The following PCDHGA4 variants were observed in gnomAD, a reference collection of about 807,000 sequenced individuals.
PCDHGA4 encodes the protein protocadherin gamma-A4.
In PCDHGA4, 38 loss-of-function variants were observed where a neutral mutation model predicts 54.6. The ratio of observed to expected loss-of-function variants is 0.70; its 90% CI spans 0.54 to 0.91. The LOEUF (loss-of-function observed/expected upper bound fraction) is 0.91, where lower values mean the gene tolerates loss of function less well. Among genes scored for constraint, PCDHGA4 ranks in the 40% least tolerant of loss-of-function variants. PCDHGA4 has a pLI of 0.00. For missense variants in PCDHGA4, 1,298 were observed against 1,220.9 expected, an observed-to-expected ratio of 1.06 and a Z score of -0.94; for synonymous variants, 511 against 512.9, an observed-to-expected ratio of 1.00 and a Z score of 0.05.
intron 1 of PCDHGA4, among the ~76,000 whole-genome samples, chr5:141,363,455 C>A (rs1762933034): frequency 6.6e-6 from 1 of 152,226 alleles, no homozygotes; most frequent in Admixed American, 6.5e-5. Flanking sequence ...TACTTCTCGA[C>A]AAGTATCTGC....
At chr5:141,448,200 T>C (rs2098574351) in intron 1 of PCDHGA4, among the ~76,000 whole-genome samples, 1 of 152,156 alleles carries the variant, frequency 6.6e-6, no homozygotes, top group Non-Finnish European at 1.5e-5. Context: ...CTTACAAACA[T>C]TTTCTGTGTG....
chr5:141,373,678 A>G (rs4151698), intron 1 of PCDHGA4, among the ~76,000 whole-genome samples: 17,665 of 152,222 alleles, frequency 0.12, 1,184 homozygotes, highest in African/African-American at 0.18. Flanking sequence ...TGAATGGTAA[A>G]CTTCAGAGAA....
intron 1 of PCDHGA4, chr5:141,366,380 C>T: frequency 6.2e-7 from 1 of 1,614,106 alleles, no homozygotes; most frequent in Non-Finnish European, 8.5e-7. Flanking sequence ...CCCCATTGAC[C>T]CTGAGGATCT....
chr5:141,362,693 A>C, intron 1 of PCDHGA4: 1 of 1,100,328 alleles, frequency 9.1e-7, no homozygotes, highest in South Asian at 1.7e-5. Flanking sequence ...ATCTTATCTA[A>C]CTGAATTTTA....
chr5:141,398,707 C>T, intron 1 of PCDHGA4: 1 of 1,613,860 alleles, frequency 6.2e-7, no homozygotes, highest in Non-Finnish European at 8.5e-7. Flanking sequence ...ATACCCGGAA[C>T]TGGCACTGGA....
chr5:141,397,200 G>A (rs2093487150), intron 1 of PCDHGA4, among the ~76,000 whole-genome samples: 1 of 152,154 alleles, frequency 6.6e-6, no homozygotes, highest in Non-Finnish European at 1.5e-5. Context: ...TAAAAGATAT[G>A]ACATAAGAGA....
At chr5:141,394,158 C>T in intron 1 of PCDHGA4, 1 of 1,613,844 alleles carries the variant, frequency 6.2e-7, no homozygotes, top group East Asian at 2.2e-5. Flanking sequence ...TAACGACAAC[C>T]CTCCTACTTT....
chr5:141,438,583 CATACATACATATATAT>C (rs1183800202), intron 1 of PCDHGA4, among the ~76,000 whole-genome samples: 1 of 57,610 alleles, frequency 1.7e-5, no homozygotes, highest in African/African-American at 9.0e-5. Context: ...TACATACATA[CATACATACATATATAT>C]ATATATATAT....
At chr5:141,389,118 C>T in intron 1 of PCDHGA4, 1 of 1,614,006 alleles carries the variant, frequency 6.2e-7, no homozygotes, top group Non-Finnish European at 8.5e-7. Context: ...AGACCGCGAG[C>T]AGAATCCAGA....
In PCDHGA4 at chr5:141,505,598, C is replaced by T. The variant is rs532473064; in HGVS notation, c.2662+117C>T. The T allele has an allele frequency of 1.4e-3, 2,157 of 1,556,732 alleles. 3 individuals are homozygous for T. Among genetic ancestry groups the T allele is most frequent in the Non-Finnish European group, 1.8e-3 (2,025 of 1,148,246 alleles). ...ACCTGTGTAGTTTCTCCAGATCTTT[C>T]GGCAGGTCTGAAAGGACCCACAATT... On this transcript the variant is annotated intron_variant, in intron 3 of 3. Coordinates refer to ENST00000571252, the MANE Select transcript of PCDHGA4 (RefSeq NM_018917.4).
intron 1 of PCDHGA4, chr5:141,372,888 T>C: frequency 8.5e-7 from 1 of 1,177,756 alleles, no homozygotes; most frequent in South Asian, 1.6e-5. Context: ...AGAATACAGA[T>C]TAAATATTCC....
intron 1 of PCDHGA4, chr5:141,398,010 G>T (rs10045443): frequency 0.24 from 331,899 of 1,407,782 alleles, 42,930 homozygotes; most frequent in African/African-American, 0.51. Flanking sequence ...AAAAAGAATC[G>T]TTTCCTAAAC....
chr5:141,397,004 T>A (rs2150690904), intron 1 of PCDHGA4, among the ~76,000 whole-genome samples: 2 of 152,342 alleles, frequency 1.3e-5, no homozygotes, highest in African/African-American at 4.8e-5. Context: ...ATCTGACAAA[T>A]GGACTAAAGA....
chr5:141,490,098 T>C lies in PCDHGA4; in HGVS notation c.2515-4709T>C, dbSNP rs774132407. On this transcript the variant is annotated intron_variant, in intron 1 of 3. Transcript: ENST00000571252. The surrounding 1 kb of genome is among the most constrained non-coding windows in gnomAD (Gnocchi z 5.4). ...ACTATTCTTTTGGAGACCACACATCTGAGGCAGTGCGGAACCTCTTTGGCC... is the reference window on the plus strand; with the variant it reads ...ACTATTCTTTTGGAGACCACACATCCGAGGCAGTGCGGAACCTCTTTGGCC... The C allele has an allele frequency of 6.2e-7, 1 of 1,614,260 alleles. No homozygotes were observed. The highest frequency in any genetic ancestry group is 8.5e-7 in the Non-Finnish European group (1 of 1,180,038).
chr5:141,413,372 G>T lies in PCDHGA4; in HGVS notation c.2514+55751G>T, dbSNP rs760934804. ...CTGGCGCCCCGGGAGCTGGCGGAGCGCGGAGTCCGCATAGTCTCCAGAGGT... is the reference window on the plus strand; with the variant it reads ...CTGGCGCCCCGGGAGCTGGCGGAGCTCGGAGTCCGCATAGTCTCCAGAGGT... On this transcript the variant is annotated intron_variant, in intron 1 of 3. Transcript: ENST00000571252. The T allele has an allele frequency of 1.9e-6, 3 of 1,613,950 alleles. No individual in the cohort carries two copies. The South Asian group carries it at 3.3e-5, about 18-fold the overall frequency.
intron 1 of PCDHGA4, chr5:141,395,296 ATG>A: frequency 6.6e-7 from 1 of 1,524,308 alleles, no homozygotes. Flanking sequence ...GGCATAAATT[ATG>A]TTTTGAAAAA....
chr5:141,444,152 A>ATTTTTTTTT (rs747671382), intron 1 of PCDHGA4, among the ~76,000 whole-genome samples: 2 of 33,898 alleles, frequency 5.9e-5, no homozygotes, highest in Non-Finnish European at 5.2e-5. Context: ...TGTGTACTGG[A>ATTTTTTTTT]TTTTTTTTTT....
chr5:141,364,257 C>T, intron 1 of PCDHGA4: 1 of 1,495,330 alleles, frequency 6.7e-7, no homozygotes, highest in Non-Finnish European at 8.9e-7. Flanking sequence ...GGAATATGTA[C>T]CCATCGGCTT....
Position 141,487,548 on chromosome 5 carries a change from G to T in PCDHGA4, c.2515-7259G>T. The T allele has an allele frequency of 6.2e-7, 1 of 1,614,190 alleles. No homozygotes were observed. Among genetic ancestry groups the T allele is most frequent in the Non-Finnish European group, 8.5e-7 (1 of 1,180,038 alleles). ...AGCTTCATGATGGTGAAGTCACCCA[G>T]TGCACCTATGGCAGGGGAGCCTGTT... is the stretch of plus-strand genomic sequence containing the variant. On this transcript the variant is annotated intron_variant, in intron 1 of 3. Coordinates refer to ENST00000571252, the MANE Select transcript of PCDHGA4 (RefSeq NM_018917.4). The surrounding 1 kb of genome is among the most constrained non-coding windows in gnomAD (Gnocchi z 5.0).
Sources: allele counts gnomAD v4.1 joint callset (sites outside exome capture counted in the v4.1 genomes callset), GRCh38; gene constraint gnomAD v4.1.1; non-coding constraint Gnocchi (gnomAD v3.1); transcripts MANE v1.5; gene names NCBI Gene and HGNC (gene_info 2026-07-23, HGNC 2026-07-21).